CAB39: variants seen among roughly 807,000 people sequenced by gnomAD.
The protein encoded by CAB39 is calcium-binding protein 39.
In CAB39, 8 loss-of-function variants were observed where a neutral mutation model predicts 40.0. The ratio of observed to expected loss-of-function variants is 0.20; its 90% CI spans 0.12 to 0.36. The LOEUF is 0.36. Ranked by LOEUF, CAB39 falls within the 10% of genes least tolerant of loss-of-function variation. The pLI, the probability that CAB39 is intolerant of heterozygous loss-of-function variation, is 1.00. For missense variants in CAB39, 270 were observed against 401.1 expected, an observed-to-expected ratio of 0.67 and a Z score of 2.79; for synonymous variants, 156 against 141.6, an observed-to-expected ratio of 1.10 and a Z score of -0.72.
At chr2:230,781,021 G>A (rs1365282659) in intron 2 of CAB39, among the ~76,000 whole-genome samples, 1 of 151,834 alleles carries the variant, frequency 6.6e-6, no homozygotes, top group Non-Finnish European at 1.5e-5. Flanking sequence ...GGTCAAGGCT[G>A]CAGTGAGACA....
intron 5 of CAB39, among the ~76,000 whole-genome samples, chr2:230,807,001 T>C (rs768747679): frequency 5.9e-5 from 9 of 152,316 alleles, no homozygotes; most frequent in Middle Eastern, 3.4e-3. Flanking sequence ...CTTAGTCTGC[T>C]GGACTTGGGA....
intron 1 of CAB39, among the ~76,000 whole-genome samples, chr2:230,736,014 G>C (rs566816767): frequency 2.4e-4 from 37 of 152,228 alleles, no homozygotes; most frequent in African/African-American, 8.9e-4. Context: ...GAGTTATGCC[G>C]ACCATCTCTC....
intron 1 of CAB39, among the ~76,000 whole-genome samples, chr2:230,732,489 A>G (rs1694711576): frequency 6.6e-6 from 1 of 152,210 alleles, no homozygotes; most frequent in African/African-American, 2.4e-5. Context: ...GTTTAAAACT[A>G]ATGTGTGCCT....
chr2:230,736,869 G>A (rs967035518), intron 1 of CAB39, among the ~76,000 whole-genome samples: 5 of 152,194 alleles, frequency 3.3e-5, no homozygotes, highest in Non-Finnish European at 4.4e-5. Context: ...CTGATGCTCT[G>A]GAGCTGTGGA....
chr2:230,730,601 A>G (rs1397731502), intron 1 of CAB39, among the ~76,000 whole-genome samples: 2 of 151,612 alleles, frequency 1.3e-5, no homozygotes, highest in Admixed American at 1.3e-4. Context: ...CTGCCACCAC[A>G]CCCGGCTAAT....
At chr2:230,774,129 G>C (rs1439299382) in intron 2 of CAB39, among the ~76,000 whole-genome samples, 2 of 152,190 alleles carry the variant, frequency 1.3e-5, no homozygotes, top group African/African-American at 4.8e-5. Flanking sequence ...CATTATATTA[G>C]AGTCAAAGAC....
chr2:230,741,089 A>T (rs1305922100), intron 1 of CAB39, among the ~76,000 whole-genome samples: 1 of 152,212 alleles, frequency 6.6e-6, no homozygotes, highest in African/African-American at 2.4e-5. Context: ...AGAATAATTC[A>T]GGCGGTCCCC....
At chr2:230,771,716 C>CG (rs933556220) in intron 2 of CAB39, among the ~76,000 whole-genome samples, 4 of 152,152 alleles carry the variant, frequency 2.6e-5, no homozygotes, top group Non-Finnish European at 4.4e-5. Flanking sequence ...TAAAAAGCTA[C>CG]GGTTGTTAAA....
At chr2:230,727,416 CTTTTTTTT>C (rs1254776167) in intron 1 of CAB39, among the ~76,000 whole-genome samples, 2 of 84,754 alleles carry the variant, frequency 2.4e-5, no homozygotes, top group Admixed American at 1.1e-4. Flanking sequence ...TTTTCTTTTT[CTTTTTTTT>C]TTTTTTTTGA....
intron 2 of CAB39, among the ~76,000 whole-genome samples, chr2:230,787,133 AG>A (rs1351826948): frequency 6.6e-6 from 1 of 152,236 alleles, no homozygotes; most frequent in African/African-American, 2.4e-5. Context: ...TCTCATGGTC[AG>A]GAAATAGGGA....
chr2:230,760,190 A>G lies in CAB39; in HGVS notation c.114+75A>G, dbSNP rs1161062361. On this transcript the variant is annotated intron_variant, in intron 2 of 8. Coordinates refer to ENST00000258418, the MANE Select transcript of CAB39 (RefSeq NM_016289.4). ...AAGACACCTTATATGAGGAATCAGT[A>G]AGTCCCAATTTGGGTTTATTTTGGA... The G allele has an allele frequency of 3.0e-5, 25 of 837,776 alleles. No homozygotes were observed. The South Asian group carries it at 3.5e-4, about 12-fold the overall frequency. 51.9% of individuals were successfully genotyped at this position (837,776 alleles called of 1,614,324 possible).
intron 1 of CAB39, among the ~76,000 whole-genome samples, chr2:230,733,661 T>C (rs1182133294): frequency 2.0e-5 from 3 of 152,234 alleles, no homozygotes. Context: ...TGGTTGTTAC[T>C]GGATGCCTTA....
rs534404803 is a variant in CAB39, at chr2:230,739,668, A to G, written c.-43-20291A>G. Among the ~76,000 whole-genome samples, 16 of 152,234 alleles carry G rather than the reference A, an allele frequency of 1.1e-4. No homozygotes were observed. The East Asian group carries it at 2.5e-3, about 24-fold the overall frequency. On this transcript the variant is annotated intron_variant, in intron 1 of 8. Transcript: ENST00000258418. ...CGCCACCACGCCCAGCTAATTTTGT[A>G]TTTTTAGTAGAGACGGGGTTTCTGC...
chr2:230,797,948 G>A (rs1456255658), intron 4 of CAB39, among the ~76,000 whole-genome samples: 1 of 152,188 alleles, frequency 6.6e-6, no homozygotes, highest in Admixed American at 6.5e-5. Context: ...CATGCAGCTT[G>A]AGAGGAAGTA....
chr2:230,754,424 T>C (rs1695151039), intron 1 of CAB39, among the ~76,000 whole-genome samples: 1 of 123,474 alleles, frequency 8.1e-6, no homozygotes, highest in African/African-American at 3.1e-5. Context: ...CCCCTTTCCC[T>C]CCTTCTTCCC....
Position 230,793,281 on chromosome 2 carries a change from T to C in CAB39, c.348T>C (p.Thr116=), listed in dbSNP as rs1695922432. The change falls in exon 4 of 9, where the codon ACT becomes ACC. Residue 116 remains threonine, a synonymous_variant. Transcript: ENST00000258418. The part of the protein sequence containing the change: ...LRRQIGTRTP[T]VEYICTQQNI... ...GACAAATTGGTACGAGAACTCCTAC[T>C]GTTGAATACATCTGCACCCAACAGA... is the stretch of plus-strand genomic sequence containing the variant. 4 of 1,611,122 alleles carry C rather than the reference T, an allele frequency of 2.5e-6. No individual in the cohort carries two copies. Among genetic ancestry groups the C allele is most frequent in the South Asian group, 2.2e-5 (2 of 90,922 alleles).
At chr2:230,741,665 T>C (rs1444040785) in intron 1 of CAB39, among the ~76,000 whole-genome samples, 1 of 152,210 alleles carries the variant, frequency 6.6e-6, no homozygotes, top group East Asian at 1.9e-4. Flanking sequence ...ACATCGTAAG[T>C]TGGAATCCAA....
intron 5 of CAB39, among the ~76,000 whole-genome samples, chr2:230,803,691 A>C (rs1272620784): frequency 6.6e-6 from 1 of 152,260 alleles, no homozygotes; most frequent in Non-Finnish European, 1.5e-5. Context: ...AGTGCAACTT[A>C]CAAGGGATGT....
chr2:230,787,461 G>A (rs549360123), intron 2 of CAB39, among the ~76,000 whole-genome samples: 1 of 152,128 alleles, frequency 6.6e-6, no homozygotes, highest in Non-Finnish European at 1.5e-5. Flanking sequence ...CTTGAATGAT[G>A]GGCTGATGAG....
Sources: allele counts gnomAD v4.1 joint callset (sites outside exome capture counted in the v4.1 genomes callset), GRCh38; gene constraint gnomAD v4.1.1; transcripts MANE v1.5; gene names NCBI Gene and HGNC (gene_info 2026-07-23, HGNC 2026-07-21).